Variants in STAG2 observed in about 807,000 individuals in gnomAD.
The protein encoded by STAG2 is STAG2 cohesin complex component.
A neutral mutation model predicts 108.1 loss-of-function variants in STAG2; 14 were observed. The observed-to-expected ratio is 0.13, with a 90% CI of 0.09 to 0.20. The LOEUF is 0.20. Ranked by LOEUF, STAG2 falls within the 10% of genes least tolerant of loss-of-function variation. STAG2 has a pLI of 1.00. For missense variants in STAG2, 440 were observed against 940.9 expected, an observed-to-expected ratio of 0.47 and a Z score of 6.96; for synonymous variants, 307 against 302.7, an observed-to-expected ratio of 1.01 and a Z score of -0.15.
At chrX:124,071,748 A>G (rs2058670080) in intron 25 of STAG2, among the ~76,000 whole-genome samples, 1 of 111,599 alleles carries the variant, frequency 9.0e-6, no homozygotes, top group African/African-American at 3.3e-5. Context: ...TGTATACCGT[A>G]GGTTTTTTTT....
At chrX:124,100,538 T>C (rs982131130) in intron 34 of STAG2, 36 bp from the exon 35 acceptor site, 4 of 1,150,960 alleles carry the variant, frequency 3.5e-6, no homozygotes, top group Non-Finnish European at 4.7e-6. Flanking sequence ...TGAATGACTT[T>C]TAACGAGATT....
intron 6 of STAG2, among the ~76,000 whole-genome samples, chrX:124,040,215 A>G (rs2148137721): frequency 9.0e-6 from 1 of 111,709 alleles, no homozygotes; most frequent in African/African-American, 3.3e-5. Flanking sequence ...TTTTTCTACA[A>G]TACATTGATG....
At chrX:124,004,424 A>G (rs1185817779) in intron 1 of STAG2, among the ~76,000 whole-genome samples, 2 of 111,969 alleles carry the variant, frequency 1.8e-5, no homozygotes, top group Non-Finnish European at 3.8e-5. Flanking sequence ...TACCTCACAT[A>G]TATATTCCTA....
chrX:123,970,517 G>A (rs1328913560), intron 1 of STAG2, among the ~76,000 whole-genome samples: 1 of 111,578 alleles, frequency 9.0e-6, no homozygotes, highest in African/African-American at 3.3e-5. Flanking sequence ...ACTTTTCACT[G>A]TCACTTTCCT....
At position 124,051,177 on chromosome X, in the gene STAG2, A is replaced by C; in HGVS notation, c.1074A>C (p.Lys358Asn). 8.4e-7 allele frequency: 1 copy of C among 1,190,462 alleles called. No homozygotes were observed. The highest frequency in any genetic ancestry group is 1.1e-6 in the Non-Finnish European group (1 of 886,394). The change falls in exon 12 of 35, where the codon AAA becomes AAC. Residue 358 changes from lysine to asparagine, a missense_variant. This residue lies in a region of STAG2 where 69 missense variants were observed against 254.9 expected (regional missense o/e 0.27). Coordinates refer to ENST00000371145, the MANE Select transcript of STAG2 (RefSeq NM_001042750.2). ...CTCTACAAGGGCTTTATTATAACAAAGAGCTTAATTCCAAACTGGAACTTT... is the reference window on the plus strand; with the variant it reads ...CTCTACAAGGGCTTTATTATAACAACGAGCTTAATTCCAAACTGGAACTTT... Reference protein sequence around the residue: ...LTALQGLYYNKELNSKLELFT... With the variant: ...LTALQGLYYNNELNSKLELFT...
intron 7 of STAG2, among the ~76,000 whole-genome samples, chrX:124,044,558 T>C (rs1020482964): frequency 8.9e-6 from 1 of 111,734 alleles, no homozygotes; most frequent in Non-Finnish European, 1.9e-5. Flanking sequence ...TCATTGTTTT[T>C]AATGATTTGT....
At position 123,995,147 on chromosome X, in the gene STAG2, A is replaced by G. The variant is rs16998497; in HGVS notation, c.-162-26220A>G. Among the ~76,000 whole-genome samples, 702 of 111,899 alleles carry G rather than the reference A, an allele frequency of 6.3e-3. 10 individuals carry two copies. Among genetic ancestry groups the G allele is most frequent in the African/African-American group, 0.022 (668 of 30,823 alleles). ...TAGTGAGCTGGCCCAGAGATGGTAGATCTTAGAAAGCTTGACTGTAAAATA... is the reference window on the plus strand; with the variant it reads ...TAGTGAGCTGGCCCAGAGATGGTAGGTCTTAGAAAGCTTGACTGTAAAATA... On this transcript the variant is annotated intron_variant, in intron 1 of 34. Transcript: ENST00000371145.
intron 1 of STAG2, among the ~76,000 whole-genome samples, chrX:124,011,060 A>G (rs1315496334): frequency 9.0e-6 from 1 of 111,244 alleles, no homozygotes; most frequent in Non-Finnish European, 1.9e-5. Flanking sequence ...GTCATCTTTC[A>G]TTTCAGCAGT....
intron 1 of STAG2, among the ~76,000 whole-genome samples, chrX:123,966,307 C>T (rs1206029890): frequency 9.1e-6 from 1 of 109,766 alleles, no homozygotes; most frequent in Non-Finnish European, 1.9e-5. Context: ...ACTAAAAATA[C>T]TAAAATTAGC....
intron 5 of STAG2, among the ~76,000 whole-genome samples, chrX:124,034,929 C>T (rs1021001487): frequency 1.9e-5 from 2 of 107,916 alleles, no homozygotes; most frequent in Admixed American, 1.0e-4. Context: ...CAAGATCTCA[C>T]TCTGTCACCC....
chrX:124,081,656 C>G, intron 28 of STAG2, 128 bp downstream of exon 28: 3 of 506,952 alleles, frequency 5.9e-6, no homozygotes, highest in Non-Finnish European at 6.0e-6. Context: ...AAATCTCTAC[C>G]CTATCTCCTT....
intron 29 of STAG2, among the ~76,000 whole-genome samples, chrX:124,085,064 A>G (rs149318542): frequency 0.061 from 6,879 of 112,080 alleles, 235 homozygotes; most frequent in Non-Finnish European, 0.093. Flanking sequence ...GAAAAACTCA[A>G]AATAACCTAA....
intron 3 of STAG2, among the ~76,000 whole-genome samples, chrX:124,023,905 G>C (rs965214748): frequency 9.0e-6 from 1 of 111,526 alleles, no homozygotes; most frequent in African/African-American, 3.3e-5. Flanking sequence ...CAGTAAAGAG[G>C]AATGGAAGAT....
chrX:124,076,395 C>G lies in STAG2; in HGVS notation c.2597C>G (p.Ala866Gly). The change falls in exon 26 of 35, where the codon GCA becomes GGA. Residue 866 changes from alanine to glycine, a missense_variant. Coordinates refer to ENST00000371145, the MANE Select transcript of STAG2 (RefSeq NM_001042750.2). ...CTGCACAAGAGAAGAAATTTACTTG[C>G]AGCATTTTGTAAGCTAATTGTATAT... ...EALHKRRNLLAAFCKLIVYTV... is the reference protein window; with the variant it reads ...EALHKRRNLLGAFCKLIVYTV... 8.3e-7 allele frequency: 1 copy of G among 1,208,233 alleles called. No homozygotes were observed. The highest frequency in any genetic ancestry group is 1.1e-6 in the Non-Finnish European group (1 of 893,370).
At chrX:124,032,374 A>G (rs1460297278) in intron 5 of STAG2, among the ~76,000 whole-genome samples, 1 of 112,108 alleles carries the variant, frequency 8.9e-6, no homozygotes, top group African/African-American at 3.2e-5. Context: ...AGGCTTTCTA[A>G]TGTTGGCTAA....
chrX:124,046,783 A>G (rs2057891555), intron 8 of STAG2, among the ~76,000 whole-genome samples: 1 of 111,901 alleles, frequency 8.9e-6, no homozygotes, highest in Admixed American at 9.5e-5. Context: ...TTGACTTTCC[A>G]TGGAGATCTG....
At chrX:123,969,592 G>A (rs2054254354) in intron 1 of STAG2, among the ~76,000 whole-genome samples, 1 of 109,738 alleles carries the variant, frequency 9.1e-6, no homozygotes, top group South Asian at 3.8e-4. Context: ...TTAATATCAG[G>A]GCCCCAAGTT....
intron 1 of STAG2, among the ~76,000 whole-genome samples, chrX:123,969,778 T>A (rs1308658682): frequency 9.2e-6 from 1 of 109,179 alleles, no homozygotes; most frequent in African/African-American, 3.3e-5. Flanking sequence ...CCCGAGTAGC[T>A]GGGACTACAG....
Position 124,063,193 on chromosome X carries a change from A to G in STAG2, c.1809A>G (p.Gly603=). 8.4e-7 allele frequency: 1 copy of G among 1,190,272 alleles called. No homozygotes were observed. The highest frequency in any genetic ancestry group is 1.1e-6 in the Non-Finnish European group (1 of 882,651). The change falls in exon 19 of 35, where the codon GGA becomes GGG. Residue 603 remains glycine, a synonymous_variant. Transcript: ENST00000371145. ...QYFDLEIYTT[G]RLEKHLDALL... ...TTGATTTGGAAATATATACCACTGG[A>G]CGATTAGAAAAGGTAAGATTATTTT...
Sources: gnomAD v4.1 joint callset for allele counts (sites outside exome capture counted in the v4.1 genomes callset) on GRCh38, gnomAD v4.1.1 for gene constraint, gnomAD v4.1.1 regional missense constraint, MANE v1.5 for transcripts, NCBI Gene and HGNC (gene_info 2026-07-23, HGNC 2026-07-21) for gene names.